Variants in DLK1 observed in about 807,000 individuals in gnomAD.
DLK1 encodes the protein protein delta homolog 1.
In DLK1, 9 loss-of-function variants were observed where a neutral mutation model predicts 35.2. That is an observed-to-expected ratio of 0.26 (90% confidence interval 0.15 to 0.45). DLK1 has a LOEUF of 0.45. Among genes scored for constraint, DLK1 ranks in the 20% least tolerant of loss-of-function variants. The pLI is 1.00. For missense variants in DLK1, 522 were observed against 528.5 expected, an observed-to-expected ratio of 0.99 and a Z score of 0.12; for synonymous variants, 231 against 228.4, an observed-to-expected ratio of 1.01 and a Z score of -0.10.
Position 100,729,356 on chromosome 14 carries a change from C to G in DLK1, c.262+290C>G, listed in dbSNP as rs573061195. The G allele has an allele frequency of 1.1e-5, 7 of 634,450 alleles. No individual in the cohort carries two copies. The East Asian group carries it at 1.9e-4, about 17-fold the overall frequency. The allele number at this position is 634,450 out of a possible 1,614,324, so 39.3% of individuals were successfully genotyped here. A position where few individuals can be genotyped will look rare whatever the true frequency, so the allele number is the denominator to read the frequency against. ...GTTGAATAAAGAGTCACAAAATACACATACAGCTGGGCCGGTGGGACCACA... is the reference window on the plus strand; with the variant it reads ...GTTGAATAAAGAGTCACAAAATACAGATACAGCTGGGCCGGTGGGACCACA... On this transcript the variant is annotated intron_variant, in intron 3 of 4. Coordinates refer to ENST00000341267, the MANE Select transcript of DLK1 (RefSeq NM_003836.7).
At chr14:100,731,973 C>T in intron 3 of DLK1, 69 bp from the exon 4 acceptor site, 1 of 1,526,932 alleles carries the variant, frequency 6.5e-7, no homozygotes, top group Non-Finnish European at 8.8e-7. Context: ...TTTTAAAGCC[C>T]ACTGGGGCCC....
chr14:100,731,262 G>A (rs182947801), intron 3 of DLK1, among the ~76,000 whole-genome samples: 3 of 152,268 alleles, frequency 2.0e-5, no homozygotes, highest in Non-Finnish European at 4.4e-5. Context: ...TCAGGCCCTT[G>A]TGTTCAGCTC....
chr14:100,731,938 ACCCCACTCGGTG>A lies in DLK1; in HGVS notation c.263-103_263-92del, dbSNP rs1422111966. 8.4e-6 allele frequency: 12 copies of A among 1,423,750 alleles called. No homozygotes were observed. In the Admixed American group the frequency reaches 2.6e-4, roughly 31 times the overall value. The allele number at this position is 1,423,750 out of a possible 1,614,324, so 88.2% of individuals were successfully genotyped here. A position where few individuals can be genotyped will look rare whatever the true frequency, so the allele number is the denominator to read the frequency against. On this transcript the variant is annotated intron_variant, in intron 3 of 4. Coordinates refer to ENST00000341267, the MANE Select transcript of DLK1 (RefSeq NM_003836.7). ...GGCTCCCTAAACCCTCTTACTCCAG[ACCCCACTCGGTG>A]GCCATAGAGCCATTTTAAAGCCCAC...
At chr14:100,733,269 T>C (rs1392710055) in intron 4 of DLK1, among the ~76,000 whole-genome samples, 2 of 152,218 alleles carry the variant, frequency 1.3e-5, no homozygotes, top group African/African-American at 2.4e-5. Context: ...CCAGCTCCCA[T>C]GCAGCCCACA....
Position 100,734,623 on chromosome 14 carries a change from C to G in DLK1, c.879C>G (p.Asn293Lys). The change falls in exon 5 of 5, where the codon AAC (asparagine) becomes AAG (lysine). Residue 293 changes from asparagine (N) to lysine (K), a missense_variant. Asn to Lys is a moderately conservative substitution (Grantham distance 94). Transcript: ENST00000341267. The surrounding 1 kb of genome is among the most constrained non-coding windows in gnomAD (Gnocchi z 7.4). ...RILKVSMKEL[N>K]KKTPLLTEGQ... ...TGAAGGTGTCCATGAAAGAGCTCAACAAGAAAACCCCTCTCCTCACCGAGG... is the reference window on the plus strand; with the variant it reads ...TGAAGGTGTCCATGAAAGAGCTCAAGAAGAAAACCCCTCTCCTCACCGAGG... The G allele has an allele frequency of 6.2e-7, 1 of 1,614,032 alleles. No homozygotes were observed. The highest frequency in any genetic ancestry group is 1.1e-5 in the South Asian group (1 of 91,088).
chr14:100,731,972 C>A (rs61991000), intron 3 of DLK1, 70 bp from the exon 4 acceptor site: 28,718 of 1,524,504 alleles, frequency 0.019, 343 homozygotes, highest in Non-Finnish European at 0.022. Context: ...ATTTTAAAGC[C>A]CACTGGGGCC....
chr14:100,728,624 CGG>C (rs756240258), intron 2 of DLK1, 165 bp downstream of exon 2: 24 of 160,350 alleles, frequency 1.5e-4, no homozygotes, highest in East Asian at 6.9e-4. Context: ...ATGGGGGGGG[CGG>C]GGGGGGGGCA....
rs1567022892 is a variant in DLK1 at position 100,734,980 on chromosome 14, G to A, written c.*84G>A. 7.4e-6 allele frequency: 11 copies of A among 1,482,292 alleles called. No homozygotes were observed. Among genetic ancestry groups the A allele is most frequent in the South Asian group, 1.4e-5 (1 of 72,742 alleles). The allele number at this position is 1,482,292 out of a possible 1,614,324, so 91.8% of individuals were successfully genotyped here. ...GTCTGTCCTAATCTTTGTGGTGTTC[G>A]CTATCTCTTGTGTCAAATCTGGTGA... is the stretch of plus-strand genomic sequence containing the variant. On this transcript the variant is annotated 3_prime_UTR_variant, in exon 5 of 5. Coordinates refer to ENST00000341267, the MANE Select transcript of DLK1 (RefSeq NM_003836.7). This position sits in a 1 kb window ranked among gnomAD's most constrained non-coding sequence, Gnocchi z 7.4.
At chr14:100,733,670 T>A (rs2036534311) in intron 4 of DLK1, among the ~76,000 whole-genome samples, 1 of 152,204 alleles carries the variant, frequency 6.6e-6, no homozygotes, top group African/African-American at 2.4e-5. Context: ...CGCCCCTTGC[T>A]TGGTTCTTCT....
chr14:100,728,587 A>G (rs557926884), intron 2 of DLK1, 128 bp downstream of exon 2: 80 of 413,500 alleles, frequency 1.9e-4, no homozygotes, highest in African/African-American at 1.8e-3. Context: ...GGGCCCCTGC[A>G]GAAAACTGGT....
chr14:100,733,376 C>T (rs981364346), intron 4 of DLK1, among the ~76,000 whole-genome samples: 2 of 152,156 alleles, frequency 1.3e-5, no homozygotes, highest in African/African-American at 4.8e-5. Flanking sequence ...CGTTTAAAAG[C>T]ACTTACATTA....
At chr14:100,727,857 G>A (rs1405828624) in intron 1 of DLK1, among the ~76,000 whole-genome samples, 2 of 152,224 alleles carry the variant, frequency 1.3e-5, no homozygotes, top group South Asian at 2.1e-4. Flanking sequence ...CGAAGAGTCT[G>A]GGGTAGGGGA....
Position 100,734,631 on chromosome 14 carries a change from C to A in DLK1, c.887C>A (p.Thr296Asn). 6.2e-7 allele frequency: 1 copy of A among 1,614,050 alleles called. No homozygotes were observed. Among genetic ancestry groups the A allele is most frequent in the South Asian group, 1.1e-5 (1 of 91,090 alleles). Reference sequence around the variant, plus strand: ...TCCATGAAAGAGCTCAACAAGAAAACCCCTCTCCTCACCGAGGGCCAGGCC... The same window carrying A: ...TCCATGAAAGAGCTCAACAAGAAAAACCCTCTCCTCACCGAGGGCCAGGCC... ...KVSMKELNKK[T>N]PLLTEGQAIC... is the part of the protein sequence containing the mutation. The change falls in exon 5 of 5, where the codon ACC (threonine) becomes AAC (asparagine). Residue 296 changes from threonine (T) to asparagine (N), a missense_variant. Transcript: ENST00000341267. The surrounding 1 kb of genome is among the most constrained non-coding windows in gnomAD (Gnocchi z 7.4).
intron 3 of DLK1, chr14:100,729,274 G>A (rs909319847): frequency 3.6e-6 from 3 of 839,402 alleles, no homozygotes; most frequent in Non-Finnish European, 3.9e-6. Context: ...GCTCTTCTCT[G>A]CGCCATCAGC....
rs1448630464 is a variant in DLK1 at position 100,734,725 on chromosome 14, C to T, written c.981C>T (p.Leu327=). 1.9e-6 allele frequency: 3 copies of T among 1,614,140 alleles called. No homozygotes were observed. Among genetic ancestry groups the T allele is most frequent in the South Asian group, 1.1e-5 (1 of 91,084 alleles). ...VVLGTVGIVF[L]NKCETWVSNL... Reference sequence around the variant, plus strand: ...TGGGCACTGTGGGTATCGTCTTCCTCAACAAGTGCGAGACCTGGGTGTCCA... The same window carrying T: ...TGGGCACTGTGGGTATCGTCTTCCTTAACAAGTGCGAGACCTGGGTGTCCA... Residue 327 remains leucine (L), a synonymous_variant, in exon 5 of 5, where the codon CTC becomes CTT. Coordinates refer to ENST00000341267, the MANE Select transcript of DLK1 (RefSeq NM_003836.7). This position sits in a 1 kb window ranked among gnomAD's most constrained non-coding sequence, Gnocchi z 7.4.
At chr14:100,730,734 C>T (rs538291862) in intron 3 of DLK1, among the ~76,000 whole-genome samples, 10 of 152,274 alleles carry the variant, frequency 6.6e-5, no homozygotes, top group East Asian at 1.9e-4. Context: ...GAGCCTGACG[C>T]GGAGGCGCCA....
chr14:100,731,944 C>G (rs1567021567), intron 3 of DLK1, 98 bp from the exon 4 acceptor site: 1 of 1,451,666 alleles, frequency 6.9e-7, no homozygotes, highest in Non-Finnish European at 9.2e-7. Context: ...CCAGACCCCA[C>G]TCGGTGGCCA....
chr14:100,736,391 T>C lies in DLK1; in HGVS notation c.*1495T>C, dbSNP rs1051312393. Reference sequence around the variant, plus strand: ...GTTTACCTTGCTCCAGGTGTTTATTTCTAAGTCATCATCACCTTCGTCATC... The same window carrying C: ...GTTTACCTTGCTCCAGGTGTTTATTCCTAAGTCATCATCACCTTCGTCATC... On this transcript the variant is annotated 3_prime_UTR_variant, in exon 5 of 5. Transcript: ENST00000341267. The C allele has an allele frequency of 1.6e-4, 24 of 152,116 alleles. No homozygotes were observed. Among genetic ancestry groups the C allele is most frequent in the Admixed American group, 1.4e-3 (22 of 15,260 alleles). 9.4% of individuals were successfully genotyped at this position (152,116 alleles called of 1,614,324 possible). A position where few individuals can be genotyped will look rare whatever the true frequency, so the allele number is the denominator to read the frequency against.
At position 100,734,770 on chromosome 14, in the gene DLK1, G is replaced by A. The variant is rs750125066; in HGVS notation, c.1026G>A (p.Met342Ile). 4 of 1,614,060 alleles carry A rather than the reference G, an allele frequency of 2.5e-6. No individual in the cohort carries two copies. Among genetic ancestry groups the A allele is most frequent in the East Asian group, 2.2e-5 (1 of 44,882 alleles). Residue 342 changes from methionine (M) to isoleucine (I), a missense_variant, in exon 5 of 5, where the codon ATG becomes ATA. Transcript: ENST00000341267. The surrounding 1 kb of genome is among the most constrained non-coding windows in gnomAD (Gnocchi z 7.4). ...TGTCCAACCTGCGCTACAACCACAT[G>A]CTGCGGAAGAAGAAGAACCTGCTGC... ...TWVSNLRYNHMLRKKKNLLLQ... is the reference protein window; with the variant it reads ...TWVSNLRYNHILRKKKNLLLQ...
Sources: gnomAD v4.1 joint callset for allele counts (sites outside exome capture counted in the v4.1 genomes callset) on GRCh38, gnomAD v4.1.1 for gene constraint, Gnocchi (gnomAD v3.1) non-coding constraint, MANE v1.5 for transcripts, NCBI Gene and HGNC (gene_info 2026-07-23, HGNC 2026-07-21) for gene names.